SNCAIP: variants seen among roughly 807,000 people sequenced by gnomAD.
SNCAIP encodes synphilin-1.
SNCAIP carries 43 observed loss-of-function variants against 86.7 expected under a neutral mutation model. That is an observed-to-expected ratio of 0.50 (90% confidence interval 0.39 to 0.64). The LOEUF (loss-of-function observed/expected upper bound fraction) is 0.64, where lower values mean the gene tolerates loss of function less well. Among genes scored for constraint, SNCAIP ranks in the 30% least tolerant of loss-of-function variants. The pLI is 0.00. For missense variants in SNCAIP, 981 were observed against 1,103.1 expected (o/e 0.89, Z 1.57); for synonymous variants, 417 against 427.2 (o/e 0.98, Z 0.29).
chr5:122,317,852 T>C (rs558653031), intron 1 of SNCAIP, among the ~76,000 whole-genome samples: 40 of 152,236 alleles, frequency 2.6e-4, no homozygotes, highest in African/African-American at 9.6e-4. Flanking sequence ...CCTTTCTTCC[T>C]CCACCTAATC....
At chr5:122,360,460 A>G (rs1420455484) in intron 1 of SNCAIP, among the ~76,000 whole-genome samples, 7 of 152,198 alleles carry the variant, frequency 4.6e-5, no homozygotes, top group African/African-American at 7.2e-5. Context: ...GACCAACTCC[A>G]ACATCCAGCC....
At chr5:122,422,023 A>C (rs1429217417) in intron 3 of SNCAIP, among the ~76,000 whole-genome samples, 2 of 114,232 alleles carry the variant, frequency 1.8e-5, no homozygotes, top group African/African-American at 3.4e-5. Context: ...AAAAAAAAAA[A>C]AAAAACCACT....
intron 1 of SNCAIP, among the ~76,000 whole-genome samples, chr5:122,314,086 T>G (rs973582443): frequency 1.1e-4 from 16 of 152,238 alleles, no homozygotes; most frequent in African/African-American, 3.9e-4. Flanking sequence ...CTAAAGCAAA[T>G]GCATTTCTCT....
chr5:122,375,471 C>CTTTTTTTTTT (rs35995238), intron 1 of SNCAIP, among the ~76,000 whole-genome samples: 7 of 115,594 alleles, frequency 6.1e-5, no homozygotes, highest in Non-Finnish European at 9.5e-5. Flanking sequence ...TAGATTTTTG[C>CTTTTTTTTTT]TTTTTTTTTT....
At chr5:122,458,113 A>G (rs867797745) in intron 10 of SNCAIP, among the ~76,000 whole-genome samples, 3 of 152,360 alleles carry the variant, frequency 2.0e-5, no homozygotes, top group Middle Eastern at 6.8e-3. Context: ...GTGTCAAAGT[A>G]TGATATGTTG....
chr5:122,395,063 T>C (rs746614768), intron 2 of SNCAIP, among the ~76,000 whole-genome samples: 2 of 152,178 alleles, frequency 1.3e-5, no homozygotes, highest in Non-Finnish European at 2.9e-5. Flanking sequence ...CACTCATCAC[T>C]ATCCCTGATT....
chr5:122,449,040 G>C (rs1380535741), intron 8 of SNCAIP, among the ~76,000 whole-genome samples: 1 of 151,778 alleles, frequency 6.6e-6, no homozygotes, highest in Admixed American at 6.6e-5. Flanking sequence ...GGTTACAGAT[G>C]CTCCTAAATT....
At chr5:122,387,304 G>A (rs972610672) in intron 1 of SNCAIP, among the ~76,000 whole-genome samples, 4 of 151,842 alleles carry the variant, frequency 2.6e-5, no homozygotes, top group Non-Finnish European at 2.9e-5. Flanking sequence ...GACTACAGGC[G>A]CCCACCACCA....
At chr5:122,417,153 A>G (rs372329235) in intron 3 of SNCAIP, among the ~76,000 whole-genome samples, 4 of 152,336 alleles carry the variant, frequency 2.6e-5, no homozygotes, top group Admixed American at 1.3e-4. Flanking sequence ...TGAAAATTGA[A>G]TCCACTGTTG....
chr5:122,418,429 A>G (rs1375794788), intron 3 of SNCAIP, among the ~76,000 whole-genome samples: 2 of 152,202 alleles, frequency 1.3e-5, no homozygotes, highest in Non-Finnish European at 2.9e-5. Context: ...ACTTTCAAAC[A>G]TATTTGTTTT....
chr5:122,395,851 T>G (rs769512131), intron 2 of SNCAIP, among the ~76,000 whole-genome samples: 1 of 152,126 alleles, frequency 6.6e-6, no homozygotes, highest in Non-Finnish European at 1.5e-5. Flanking sequence ...GAACCTAGCC[T>G]CCCCTTCTCT....
intron 1 of SNCAIP, among the ~76,000 whole-genome samples, chr5:122,323,564 A>G (rs1753423543): frequency 6.6e-6 from 1 of 152,226 alleles, no homozygotes; most frequent in Non-Finnish European, 1.5e-5. Context: ...GTGTGCACCT[A>G]AGTCAACGTT....
At chr5:122,389,118 G>C (rs983883208) in intron 1 of SNCAIP, 1 of 152,198 alleles carries the variant, frequency 6.6e-6, no homozygotes, top group Non-Finnish European at 1.5e-5. Flanking sequence ...ACTGGATATT[G>C]CTGTCTATAT....
intron 2 of SNCAIP, among the ~76,000 whole-genome samples, chr5:122,402,230 G>A (rs939431324): frequency 2.6e-5 from 4 of 152,120 alleles, no homozygotes; most frequent in Non-Finnish European, 5.9e-5. Flanking sequence ...AGCTACCAGA[G>A]TCCTTAGAGA....
rs562420744 is a variant in SNCAIP at position 122,450,632 on chromosome 5, T to A, written c.1785T>A (p.Ile595=). The A allele has an allele frequency of 6.2e-7, 1 of 1,613,708 alleles. No homozygotes were observed. The highest frequency in any genetic ancestry group is 8.5e-7 in the Non-Finnish European group (1 of 1,179,626). The stretch of plus-strand genomic sequence containing the variant: ...GCAAGCCAGGAGTCCAAGAGGGGAT[T>A]CAGGTTCTTGGAAGCCTGTCAGCCT... The part of the protein sequence containing the change: ...AKSKPGVQEG[I]QVLGSLSASS... The change falls in exon 10 of 11, where the codon ATT becomes ATA. Residue 595 remains isoleucine (I), a synonymous_variant. Coordinates refer to ENST00000261368, the MANE Select transcript of SNCAIP (RefSeq NM_005460.4).
At chr5:122,413,993 T>C (rs1310426450) in intron 3 of SNCAIP, among the ~76,000 whole-genome samples, 1 of 152,160 alleles carries the variant, frequency 6.6e-6, no homozygotes. Context: ...CACCACAGCC[T>C]CCAACTCCTG....
At chr5:122,375,182 AAG>A (rs1401286506) in intron 1 of SNCAIP, among the ~76,000 whole-genome samples, 1 of 152,184 alleles carries the variant, frequency 6.6e-6, no homozygotes, top group African/African-American at 2.4e-5. Flanking sequence ...CTTCAGAAAA[AAG>A]GATATTATTT....
chr5:122,331,436 A>T (rs1047257946), intron 1 of SNCAIP, among the ~76,000 whole-genome samples: 4 of 152,226 alleles, frequency 2.6e-5, no homozygotes, highest in African/African-American at 9.6e-5. Context: ...ACATATTTTC[A>T]ATGTACAAAT....
At chr5:122,325,682 A>G (rs1020393611) in intron 1 of SNCAIP, among the ~76,000 whole-genome samples, 1 of 152,182 alleles carries the variant, frequency 6.6e-6, no homozygotes, top group Non-Finnish European at 1.5e-5. Context: ...ATTTATCAGG[A>G]ATTTAGTATA....
Sources: gnomAD v4.1 joint callset for allele counts (sites outside exome capture counted in the v4.1 genomes callset) on GRCh38, gnomAD v4.1.1 for gene constraint, MANE v1.5 for transcripts, NCBI Gene and HGNC (gene_info 2026-07-23, HGNC 2026-07-21) for gene names.